ADAMTSL1: variants seen among roughly 807,000 people sequenced by gnomAD.
The protein encoded by ADAMTSL1 is ADAMTS-like protein 1.
Under a neutral mutation model 201.8 loss-of-function variants are expected in ADAMTSL1, and 126 were observed. The observed-to-expected ratio is 0.62, with a 90% CI of 0.54 to 0.72. ADAMTSL1 has a LOEUF of 0.72. Among genes scored for constraint, ADAMTSL1 ranks in the 30% least tolerant of loss-of-function variants. The pLI is 0.00. For missense variants in ADAMTSL1, 2,679 were observed against 2,277.8 expected (o/e 1.18, Z -3.59); for synonymous variants, 1,121 against 903.4 (o/e 1.24, Z -4.32).
At chr9:18,064,932 C>G (rs1023579140) in intron 1 of ADAMTSL1, among the ~76,000 whole-genome samples, 2 of 127,724 alleles carry the variant, frequency 1.6e-5, no homozygotes, top group Admixed American at 8.9e-5. Context: ...AAAATTGATT[C>G]AGAAAGCAGT....
intron 1 of ADAMTSL1, among the ~76,000 whole-genome samples, chr9:18,009,244 T>C (rs1262981073): frequency 6.6e-6 from 1 of 152,044 alleles, no homozygotes; most frequent in Non-Finnish European, 1.5e-5. Context: ...TCTTCTTCTG[T>C]CTTCCTTTAC....
At chr9:18,284,293 C>T (rs1832914119) in intron 2 of ADAMTSL1, among the ~76,000 whole-genome samples, 1 of 151,688 alleles carries the variant, frequency 6.6e-6, no homozygotes, top group Non-Finnish European at 1.5e-5. Context: ...ATGATGATAC[C>T]ACCACAGTTG....
At chr9:18,120,479 C>T (rs1441080123) in intron 1 of ADAMTSL1, among the ~76,000 whole-genome samples, 1 of 152,130 alleles carries the variant, frequency 6.6e-6, no homozygotes, top group Non-Finnish European at 1.5e-5. Flanking sequence ...GGCTGCCTAC[C>T]ACAGCCACAT....
intron 1 of ADAMTSL1, among the ~76,000 whole-genome samples, chr9:18,038,116 A>G (rs1341184164): frequency 6.6e-6 from 1 of 152,222 alleles, no homozygotes; most frequent in East Asian, 1.9e-4. Context: ...GCTTCCCGCC[A>G]TTATGGCCAC....
chr9:17,980,754 A>G (rs1264508249), intron 1 of ADAMTSL1, among the ~76,000 whole-genome samples: 2 of 152,166 alleles, frequency 1.3e-5, no homozygotes, highest in East Asian at 3.9e-4. Context: ...GTTGCTATGG[A>G]GGAATACTTG....
At chr9:18,015,268 G>A (rs940886609) in intron 1 of ADAMTSL1, among the ~76,000 whole-genome samples, 2 of 152,022 alleles carry the variant, frequency 1.3e-5, no homozygotes. Context: ...TCTGCTGGGA[G>A]GGATCTAACC....
At chr9:18,187,098 T>G (rs1828771370) in intron 2 of ADAMTSL1, among the ~76,000 whole-genome samples, 1 of 152,170 alleles carries the variant, frequency 6.6e-6, no homozygotes, top group South Asian at 2.1e-4. Context: ...GCAACTGTCA[T>G]GTGGTGTTCC....
At chr9:18,447,880 G>C (rs1286724338) in intron 2 of ADAMTSL1, among the ~76,000 whole-genome samples, 1 of 152,162 alleles carries the variant, frequency 6.6e-6, no homozygotes, top group African/African-American at 2.4e-5. Flanking sequence ...AAAAATTGCA[G>C]GTGTCGAGCA....
At chr9:18,890,600 T>A in intron 25 of ADAMTSL1, 1 of 456,018 alleles carries the variant, frequency 2.2e-6, no homozygotes, top group South Asian at 1.5e-5. Context: ...CGATGAAATA[T>A]GAAACATGCT....
At chr9:18,858,133 T>G (rs1227549477) in intron 23 of ADAMTSL1, among the ~76,000 whole-genome samples, 2 of 152,190 alleles carry the variant, frequency 1.3e-5, no homozygotes, top group Non-Finnish European at 2.9e-5. Flanking sequence ...ATCTATACAT[T>G]GAGTCATGAG....
chr9:18,151,116 G>T (rs1826890098), intron 1 of ADAMTSL1, among the ~76,000 whole-genome samples: 1 of 151,972 alleles, frequency 6.6e-6, no homozygotes, highest in Non-Finnish European at 1.5e-5. Context: ...TCTATTTAAT[G>T]AATACATAGA....
Position 18,019,611 on chromosome 9 carries a change from G to A in ADAMTSL1, c.87+112689G>A, listed in dbSNP as rs552573923. 2.6e-5 allele frequency among the ~76,000 whole-genome samples: 4 copies of A among 152,226 alleles called. No individual in the cohort carries two copies. In the South Asian group the frequency reaches 6.2e-4, roughly 24 times the overall value. On this transcript the variant is annotated intron_variant, in intron 1 of 29. Coordinates refer to the ADAMTSL1 transcript ENST00000680146. ...TCAGCAGGAGCCCAAGGTAGAGAAA[G>A]ACTTACCTGGAAGAATTTGTAGGAT...
chr9:18,217,045 C>T (rs961185989), intron 2 of ADAMTSL1, among the ~76,000 whole-genome samples: 12 of 151,982 alleles, frequency 7.9e-5, no homozygotes, highest in African/African-American at 2.7e-4. Context: ...GAATAAAGGA[C>T]ATGAGCTTTA....
intron 1 of ADAMTSL1, among the ~76,000 whole-genome samples, chr9:18,156,745 A>T (rs1217939100): frequency 6.6e-6 from 1 of 152,000 alleles, no homozygotes; most frequent in Non-Finnish European, 1.5e-5. Flanking sequence ...TGGAGTACAG[A>T]AGAGTCTAAC....
At chr9:18,480,819 A>G (rs1191372578) in intron 1 of ADAMTSL1, among the ~76,000 whole-genome samples, 2 of 152,316 alleles carry the variant, frequency 1.3e-5, no homozygotes, top group East Asian at 3.9e-4. Flanking sequence ...ATGTGTCAGT[A>G]CTACAGGGAA....
At chr9:18,764,989 T>C (rs1324179633) in intron 16 of ADAMTSL1, among the ~76,000 whole-genome samples, 1 of 152,338 alleles carries the variant, frequency 6.6e-6, no homozygotes. Flanking sequence ...ATTACATCTA[T>C]ACCCTTGAAA....
At chr9:18,430,496 A>C (rs186447879) in intron 2 of ADAMTSL1, among the ~76,000 whole-genome samples, 1 of 152,292 alleles carries the variant, frequency 6.6e-6, no homozygotes, top group Admixed American at 6.5e-5. Flanking sequence ...GTTTGTACAG[A>C]CCTTAAAAAT....
chr9:18,817,794 C>G (rs1175781034), intron 21 of ADAMTSL1, among the ~76,000 whole-genome samples: 1 of 152,092 alleles, frequency 6.6e-6, no homozygotes, highest in Non-Finnish European at 1.5e-5. Context: ...GAACTCAGGG[C>G]AGTGAGGATG....
At chr9:17,940,973 A>G (rs1827218513) in intron 1 of ADAMTSL1, among the ~76,000 whole-genome samples, 1 of 151,870 alleles carries the variant, frequency 6.6e-6, no homozygotes, top group East Asian at 1.9e-4. Context: ...TACAAATCCT[A>G]CAAATTTTTC....
Sources: allele counts gnomAD v4.1 joint callset (sites outside exome capture counted in the v4.1 genomes callset), GRCh38; gene constraint gnomAD v4.1.1; transcripts MANE v1.5; gene names NCBI Gene and HGNC (gene_info 2026-07-23, HGNC 2026-07-21).